PEX5L: variants seen among roughly 807,000 people sequenced by gnomAD.
The protein encoded by PEX5L is peroxisomal biogenesis factor 5 like.
Under a neutral mutation model 84.0 loss-of-function variants are expected in PEX5L, and 30 were observed. The ratio of observed to expected loss-of-function variants is 0.36; its 90% CI spans 0.27 to 0.48. The LOEUF (loss-of-function observed/expected upper bound fraction) is 0.48, where lower values mean the gene tolerates loss of function less well. Among genes scored for constraint, PEX5L ranks in the 20% least tolerant of loss-of-function variants. PEX5L has a pLI of 0.99. For missense variants in PEX5L, 533 were observed against 754.6 expected, an observed-to-expected ratio of 0.71 and a Z score of 3.44; for synonymous variants, 270 against 283.1, an observed-to-expected ratio of 0.95 and a Z score of 0.46.
chr3:179,895,577 A>G (rs1406101377), intron 3 of PEX5L: 1 of 152,152 alleles, frequency 6.6e-6, no homozygotes, highest in Non-Finnish European at 1.5e-5. Context: ...TCAGTGGTCC[A>G]GCAATTTCTG....
chr3:179,851,632 C>G (rs1286902401), intron 8 of PEX5L, among the ~76,000 whole-genome samples: 4 of 152,162 alleles, frequency 2.6e-5, no homozygotes, highest in Admixed American at 2.6e-4. Context: ...GCAATGTTAG[C>G]TTGAAGCCTT....
chr3:180,003,732 A>G (rs571213960), intron 1 of PEX5L, among the ~76,000 whole-genome samples: 3 of 152,336 alleles, frequency 2.0e-5, no homozygotes, highest in African/African-American at 4.8e-5. Flanking sequence ...CAATAAGAAC[A>G]AAAGGCAACT....
At chr3:179,962,029 G>GGAGATTTCAAAA (rs1782193043) in intron 2 of PEX5L, among the ~76,000 whole-genome samples, 1 of 152,208 alleles carries the variant, frequency 6.6e-6, no homozygotes, top group South Asian at 2.1e-4. Flanking sequence ...AGATTTCAAA[G>GGAGATTTCAAAA]TTTACTTTAA....
At chr3:179,912,895 G>C (rs549289681) in intron 2 of PEX5L, among the ~76,000 whole-genome samples, 1 of 152,032 alleles carries the variant, frequency 6.6e-6, no homozygotes, top group East Asian at 1.9e-4. Context: ...CCCCAACTCT[G>C]ACAACTATAT....
At chr3:179,988,041 A>G (rs1787015205) in intron 1 of PEX5L, among the ~76,000 whole-genome samples, 1 of 152,066 alleles carries the variant, frequency 6.6e-6, no homozygotes, top group African/African-American at 2.4e-5. Context: ...GATCTTTCAC[A>G]TTGTTAATCC....
At chr3:179,947,709 A>AT (rs1560856895) in intron 2 of PEX5L, among the ~76,000 whole-genome samples, 98 of 76,336 alleles carry the variant, frequency 1.3e-3, no homozygotes, top group Admixed American at 3.3e-3. Context: ...CAAAAAAGTT[A>AT]CTTTTTTTTT....
intron 2 of PEX5L, among the ~76,000 whole-genome samples, chr3:179,970,148 A>G (rs926269921): frequency 6.6e-6 from 1 of 152,138 alleles, no homozygotes; most frequent in African/African-American, 2.4e-5. Context: ...AAATAAGAAG[A>G]AAAAAAGAAT....
rs1319551097 is a variant in PEX5L, at chr3:179,801,134, C to T, written c.*694G>A. On this transcript the variant is annotated 3_prime_UTR_variant, in exon 15 of 15. Coordinates refer to ENST00000467460, the MANE Select transcript of PEX5L (RefSeq NM_016559.3). ...GGCTGAGTTCTTAAATCTTTCACCC[C>T]CAAGTTAAAAATTGGAGCAACAAAA... The T allele has an allele frequency of 6.6e-6, 1 of 152,460 alleles. No individual in the cohort carries two copies. Among genetic ancestry groups the T allele is most frequent in the Non-Finnish European group, 1.5e-5 (1 of 68,024 alleles). 9.4% of individuals were successfully genotyped at this position (152,460 alleles called of 1,614,324 possible).
chr3:179,806,205 T>C (rs966435104), intron 14 of PEX5L, among the ~76,000 whole-genome samples: 4 of 151,496 alleles, frequency 2.6e-5, no homozygotes, highest in Non-Finnish European at 5.9e-5. Flanking sequence ...AAGACGTAAA[T>C]AGGAAATCTG....
intron 1 of PEX5L, among the ~76,000 whole-genome samples, chr3:179,984,221 T>C (rs1176770469): frequency 2.6e-5 from 4 of 152,134 alleles, no homozygotes; most frequent in African/African-American, 9.6e-5. Context: ...TTTATTCCTA[T>C]ATTTCAATGG....
intron 2 of PEX5L, among the ~76,000 whole-genome samples, chr3:179,936,111 T>G (rs920394386): frequency 3.3e-5 from 5 of 152,164 alleles, no homozygotes; most frequent in Non-Finnish European, 5.9e-5. Flanking sequence ...GTAGCTGTCA[T>G]CGCAGTCCAC....
chr3:180,006,292 A>T (rs1382751087), intron 1 of PEX5L, among the ~76,000 whole-genome samples: 1 of 151,100 alleles, frequency 6.6e-6, no homozygotes, highest in Admixed American at 6.6e-5. Flanking sequence ...CTTTATTATT[A>T]TTTTTTTTGC....
At chr3:179,900,708 A>G (rs750822013) in intron 2 of PEX5L, 18 of 1,535,706 alleles carry the variant, frequency 1.2e-5, no homozygotes, top group Non-Finnish European at 2.6e-6. Context: ...AGACAGTGCC[A>G]CTTTTTCTTC....
At chr3:179,814,058 T>C (rs1054635481) in intron 10 of PEX5L, among the ~76,000 whole-genome samples, 1 of 151,678 alleles carries the variant, frequency 6.6e-6, no homozygotes, top group Admixed American at 6.6e-5. Flanking sequence ...TGGCTTGAAC[T>C]GATCCTCCCG....
chr3:179,852,204 G>C (rs1027994022), intron 8 of PEX5L, among the ~76,000 whole-genome samples: 14 of 152,196 alleles, frequency 9.2e-5, no homozygotes, highest in Admixed American at 9.2e-4. Flanking sequence ...TGGGCCTGCA[G>C]TCATCCCAAG....
intron 7 of PEX5L, among the ~76,000 whole-genome samples, chr3:179,868,506 T>C (rs922802477): frequency 6.6e-6 from 1 of 152,168 alleles, no homozygotes; most frequent in African/African-American, 2.4e-5. Context: ...TCAAAATGTT[T>C]TACTCCAAAA....
At chr3:179,841,006 G>GA (rs1380260851) in intron 8 of PEX5L, among the ~76,000 whole-genome samples, 1 of 152,134 alleles carries the variant, frequency 6.6e-6, no homozygotes, top group Non-Finnish European at 1.5e-5. Flanking sequence ...CTATGAGACT[G>GA]AAAGAGATAG....
chr3:179,811,049 C>A (rs1723583408), intron 11 of PEX5L, among the ~76,000 whole-genome samples: 1 of 152,078 alleles, frequency 6.6e-6, no homozygotes, highest in African/African-American at 2.4e-5. Context: ...ACCGTTACTT[C>A]ATCAAATACC....
chr3:179,988,385 C>T (rs1176944079), intron 1 of PEX5L, among the ~76,000 whole-genome samples: 2 of 102,670 alleles, frequency 1.9e-5, no homozygotes, highest in East Asian at 4.8e-4. Flanking sequence ...TGAAAATCTG[C>T]CTCAATAAAT....
Sources: allele counts gnomAD v4.1 joint callset (sites outside exome capture counted in the v4.1 genomes callset), GRCh38; gene constraint gnomAD v4.1.1; transcripts MANE v1.5; gene names NCBI Gene and HGNC (gene_info 2026-07-23, HGNC 2026-07-21).